Variants in PLVAP observed in about 807,000 individuals in gnomAD.
PLVAP encodes plasmalemma vesicle associated protein.
Under a neutral mutation model 43.1 loss-of-function variants are expected in PLVAP, and 34 were observed. That is an observed-to-expected ratio of 0.79 (90% CI 0.60 to 1.05). The LOEUF (loss-of-function observed/expected upper bound fraction) is 1.05, where lower values mean the gene tolerates loss of function less well. Ranked by LOEUF, PLVAP falls within the 50% of genes least tolerant of loss-of-function variation. The pLI, the probability that PLVAP is intolerant of heterozygous loss-of-function variation, is 0.00. For synonymous variants in PLVAP, 241 were observed against 237.3 expected (o/e 1.02, Z -0.14); for missense variants, 574 against 593.4 (o/e 0.97, Z 0.34).
chr19:17,365,829 C>G lies in PLVAP; in HGVS notation c.636G>C (p.Gln212His), dbSNP rs377500653. The change falls in exon 3 of 6, where the codon CAG becomes CAC. Residue 212 changes from glutamine to histidine, a missense_variant. Transcript: ENST00000252590. ...KTRELQHQER[Q>H]LAKEQLQKVQ... ...CCTTTTGCAGTTGCTCCTTGGCCAG[C>G]TGGCGCTCTTGGTGCTGCAGCTCCC... is the stretch of plus-strand genomic sequence containing the variant. The G allele has an allele frequency of 6.2e-7, 1 of 1,614,174 alleles. No homozygotes were observed. Among genetic ancestry groups the G allele is most frequent in the South Asian group, 1.1e-5 (1 of 91,092 alleles).
intron 1 of PLVAP, among the ~76,000 whole-genome samples, chr19:17,368,404 G>A (rs998834093): frequency 1.1e-4 from 17 of 149,692 alleles, no homozygotes; most frequent in African/African-American, 4.3e-4. Flanking sequence ...TAGAGACAGG[G>A]TTTCACCATG....
Position 17,360,761 on chromosome 19 carries a change from T to C in PLVAP, c.1240+11A>G. On this transcript the variant is annotated intron_variant, in intron 4 of 5. Transcript: ENST00000252590. Reference sequence around the variant, plus strand: ...CCCCTCCCCTACTTGGCTCTGTCTTTTGTCACTCACCGATGGGCTGGGGGT... The same window carrying C: ...CCCCTCCCCTACTTGGCTCTGTCTTCTGTCACTCACCGATGGGCTGGGGGT... 1 of 1,612,388 alleles carries C rather than the reference T, an allele frequency of 6.2e-7. No individual in the cohort carries two copies. Among genetic ancestry groups the C allele is most frequent in the Non-Finnish European group, 8.5e-7 (1 of 1,178,480 alleles).
chr19:17,373,009 T>C (rs1272413354), intron 1 of PLVAP, among the ~76,000 whole-genome samples: 3 of 128,360 alleles, frequency 2.3e-5, no homozygotes, highest in African/African-American at 8.9e-5. Context: ...GAGGTTGCAG[T>C]GAGTGGATAC....
Position 17,352,242 on chromosome 19 carries a change from G to A in PLVAP, c.*120C>T. 1 of 1,379,988 alleles carries A rather than the reference G, an allele frequency of 7.2e-7. No individual in the cohort carries two copies. Among genetic ancestry groups the A allele is most frequent in the Admixed American group, 1.8e-5 (1 of 56,646 alleles). The allele number at this position is 1,379,988 out of a possible 1,614,324, so 85.5% of individuals were successfully genotyped here. On this transcript the variant is annotated 3_prime_UTR_variant, in exon 6 of 6. Coordinates refer to ENST00000252590, the MANE Select transcript of PLVAP (RefSeq NM_031310.3). The stretch of plus-strand genomic sequence containing the variant: ...TTTGCATGCAGGGAGTTGTCTGATG[G>A]TGGCCCTGGGTGGTTGGGGGCGGCG...
Position 17,365,308 on chromosome 19 carries a change from A to C in PLVAP, c.1157T>G (p.Leu386Arg). The C allele has an allele frequency of 5.0e-6, 8 of 1,612,824 alleles. No individual in the cohort carries two copies. The highest frequency in any genetic ancestry group is 6.8e-6 in the Non-Finnish European group (8 of 1,179,742). Residue 386 changes from leucine to arginine, a missense_variant, in exon 3 of 6, where the codon CTG becomes CGG. Coordinates refer to ENST00000252590, the MANE Select transcript of PLVAP (RefSeq NM_031310.3). Reference sequence around the variant, plus strand: ...CACCTTGGTCTTGATGCAGGTGTCCAGGGCTGAGTTTCTGATGGCCAGCTC... The same window carrying C: ...CACCTTGGTCTTGATGCAGGTGTCCCGGGCTGAGTTTCTGATGGCCAGCTC... ...RMELAIRNSA[L>R]DTCIKTKSQP...
chr19:17,356,217 T>C (rs2074506112), intron 5 of PLVAP, among the ~76,000 whole-genome samples: 1 of 151,878 alleles, frequency 6.6e-6, no homozygotes, highest in Non-Finnish European at 1.5e-5. Flanking sequence ...GGCTGAGGCA[T>C]GAGAATCGCT....
intron 5 of PLVAP, among the ~76,000 whole-genome samples, chr19:17,358,306 GA>G (rs2074514597): frequency 1.3e-5 from 2 of 151,628 alleles, no homozygotes; most frequent in South Asian, 2.1e-4. Flanking sequence ...AATGGAGCTG[GA>G]CATGATGCAT....
rs928145055 is a variant in PLVAP, at chr19:17,352,415, G to A, written c.1323-47C>T. 2.5e-6 allele frequency: 4 copies of A among 1,603,010 alleles called. No homozygotes were observed. In the African/African-American group the frequency reaches 5.4e-5, roughly 21 times the overall value. ...AACACAACAGAGTGTCAGACAGAGG[G>A]AAGGGCAAACCTCGCCGGGCCCTGG... On this transcript the variant is annotated intron_variant, in intron 5 of 5. Transcript: ENST00000252590.
chr19:17,372,723 T>C (rs957310047), intron 1 of PLVAP, among the ~76,000 whole-genome samples: 1 of 150,702 alleles, frequency 6.6e-6, no homozygotes, highest in Non-Finnish European at 1.5e-5. Flanking sequence ...CCCGAAGTGT[T>C]GGGATTATAG....
intron 5 of PLVAP, among the ~76,000 whole-genome samples, chr19:17,354,323 G>A (rs931205322): frequency 3.9e-5 from 6 of 152,014 alleles, no homozygotes; most frequent in South Asian, 2.1e-4. Flanking sequence ...AATGCCAGGC[G>A]CAGTGGCTCA....
chr19:17,362,534 A>T (rs1215874637), intron 3 of PLVAP: 2 of 152,130 alleles, frequency 1.3e-5, no homozygotes, highest in Non-Finnish European at 2.9e-5. Context: ...GTCAATACCA[A>T]TCCCTATGTC....
chr19:17,357,647 G>C (rs1324890777), intron 5 of PLVAP, among the ~76,000 whole-genome samples: 1 of 152,128 alleles, frequency 6.6e-6, no homozygotes, highest in East Asian at 1.9e-4. Context: ...CTGGGTGACA[G>C]AGCAAGACCC....
intron 4 of PLVAP, 54 bp downstream of exon 4, chr19:17,360,718 G>C: frequency 6.3e-7 from 1 of 1,586,580 alleles, no homozygotes; most frequent in Non-Finnish European, 8.7e-7. Context: ...CTGGGGTGGG[G>C]TTCGAGGTGG....
intron 1 of PLVAP, among the ~76,000 whole-genome samples, chr19:17,376,598 G>T (rs2074596190): frequency 6.6e-6 from 1 of 152,086 alleles, no homozygotes; most frequent in Non-Finnish European, 1.5e-5. Context: ...AGGAGTTTGA[G>T]ACCAGCCTGG....
rs1234045989 is a variant in PLVAP, at chr19:17,365,427, T to C, written c.1038A>G (p.Leu346=). The C allele has an allele frequency of 3.7e-6, 6 of 1,613,054 alleles. No homozygotes were observed. Among genetic ancestry groups the C allele is most frequent in the Admixed American group, 3.3e-5 (2 of 60,008 alleles). The change falls in exon 3 of 6, where the codon CTA becomes CTG. Residue 346 remains leucine (L), a synonymous_variant. Transcript: ENST00000252590. The stretch of plus-strand genomic sequence containing the variant: ...GCAGCACCGCCTTCTCCTCCAGCGC[T>C]AGCTGGGTCTGCCGGGAGCATTCAG... ...LQAECSRQTQ[L]ALEEKAVLRK... is the part of the protein sequence containing the mutation.
At chr19:17,359,479 C>A (rs2074519299) in intron 5 of PLVAP, among the ~76,000 whole-genome samples, 1 of 151,876 alleles carries the variant, frequency 6.6e-6, no homozygotes, top group South Asian at 2.1e-4. Flanking sequence ...CATCTCGGCT[C>A]ACTGCAACCT....
At chr19:17,355,335 C>T (rs1385715245) in intron 5 of PLVAP, among the ~76,000 whole-genome samples, 1 of 151,678 alleles carries the variant, frequency 6.6e-6, no homozygotes, top group Non-Finnish European at 1.5e-5. Flanking sequence ...CCACATAGCT[C>T]CTGGACCAAG....
At chr19:17,358,903 G>A (rs1259528372) in intron 5 of PLVAP, among the ~76,000 whole-genome samples, 2 of 151,708 alleles carry the variant, frequency 1.3e-5, no homozygotes, top group African/African-American at 2.4e-5. Flanking sequence ...GGACTCGGGC[G>A]ATCTTCCCAC....
chr19:17,367,425 G>A (rs1404284485), intron 1 of PLVAP, among the ~76,000 whole-genome samples: 2 of 148,414 alleles, frequency 1.3e-5, no homozygotes, highest in Non-Finnish European at 3.0e-5. Context: ...TTTCGCTCTT[G>A]TTGCCCAGGC....
Sources: gnomAD v4.1 joint callset for allele counts (sites outside exome capture counted in the v4.1 genomes callset) on GRCh38, gnomAD v4.1.1 for gene constraint, MANE v1.5 for transcripts, NCBI Gene and HGNC (gene_info 2026-07-23, HGNC 2026-07-21) for gene names.